Variants in FOXP2 observed in about 807,000 individuals in gnomAD.
FOXP2 encodes the protein forkhead box P2, also known as forkhead box protein P2.
A neutral mutation model predicts 115.8 loss-of-function variants in FOXP2; 12 were observed. That is an observed-to-expected ratio of 0.10 (90% confidence interval 0.07 to 0.17). The LOEUF is 0.17. Ranked by LOEUF, FOXP2 falls within the 10% of genes least tolerant of loss-of-function variation. FOXP2 has a pLI of 1.00. For synonymous variants in FOXP2, 328 were observed against 297.7 expected, an observed-to-expected ratio of 1.10 and a Z score of -1.05; for missense variants, 629 against 843.5, an observed-to-expected ratio of 0.75 and a Z score of 3.15.
intron 3 of FOXP2, among the ~76,000 whole-genome samples, chr7:114,553,109 T>G (rs1347127849): frequency 6.6e-6 from 1 of 152,130 alleles, no homozygotes; most frequent in Non-Finnish European, 1.5e-5. Flanking sequence ...GAAAAACCCT[T>G]GATCCTATTT....
chr7:114,375,058 G>A (rs931739036), intron 2 of FOXP2, among the ~76,000 whole-genome samples: 13 of 152,022 alleles, frequency 8.6e-5, no homozygotes, highest in African/African-American at 3.1e-4. Flanking sequence ...TTATGCTTTA[G>A]TGGACACTGC....
chr7:114,625,716 G>A (rs865860077), intron 3 of FOXP2, among the ~76,000 whole-genome samples: 3 of 151,610 alleles, frequency 2.0e-5, no homozygotes, highest in Non-Finnish European at 3.0e-5. Context: ...GCAAGTGGAC[G>A]GGTCTGCAAT....
Position 114,112,732 on chromosome 7 carries a change from G to A in FOXP2, c.-247+24894G>A, listed in dbSNP as rs140609059. Among the ~76,000 whole-genome samples, 9 of 152,278 alleles carry A rather than the reference G, an allele frequency of 5.9e-5. No homozygotes were observed. In the East Asian group the frequency reaches 9.6e-4, roughly 16 times the overall value. On this transcript the variant is annotated intron_variant, in intron 1 of 19. Transcript: ENST00000635638. ...GTGGAACTTGGAAATATACCTAAAGGAACACCGGTGGGAAACCTCTGGAAC... is the reference window on the plus strand; with the variant it reads ...GTGGAACTTGGAAATATACCTAAAGAAACACCGGTGGGAAACCTCTGGAAC...
chr7:114,585,987 T>G (rs970291673), intron 3 of FOXP2, among the ~76,000 whole-genome samples: 1 of 152,164 alleles, frequency 6.6e-6, no homozygotes, highest in African/African-American at 2.4e-5. Context: ...TTAGCATAAT[T>G]TTCAGCTATG....
chr7:114,651,164 A>C (rs577541678), intron 8 of FOXP2, among the ~76,000 whole-genome samples: 1 of 152,156 alleles, frequency 6.6e-6, no homozygotes, highest in South Asian at 2.1e-4. Context: ...CTATTATATC[A>C]TTCTAAATGA....
chr7:114,491,667 T>G (rs960055082), intron 2 of FOXP2, among the ~76,000 whole-genome samples: 5 of 152,124 alleles, frequency 3.3e-5, no homozygotes, highest in African/African-American at 1.2e-4. Context: ...TTAATCCATC[T>G]TGAATTAATT....
At chr7:114,463,933 T>C (rs1234910948) in intron 2 of FOXP2, among the ~76,000 whole-genome samples, 2 of 152,218 alleles carry the variant, frequency 1.3e-5, no homozygotes, top group African/African-American at 2.4e-5. Flanking sequence ...AGACAGTGTT[T>C]CTAGCTCTAT....
chr7:114,557,970 G>A (rs186421187), intron 3 of FOXP2, among the ~76,000 whole-genome samples: 46 of 151,920 alleles, frequency 3.0e-4, no homozygotes, highest in African/African-American at 8.4e-4. Flanking sequence ...CACCACACCT[G>A]GCTAATTTTT....
intron 2 of FOXP2, among the ~76,000 whole-genome samples, chr7:114,454,320 T>A (rs1220228975): frequency 6.6e-6 from 1 of 152,148 alleles, no homozygotes; most frequent in African/African-American, 2.4e-5. Context: ...CACTGTGAGA[T>A]ACCATCTCAC....
chr7:114,551,408 T>G (rs1800200390), intron 3 of FOXP2, among the ~76,000 whole-genome samples: 1 of 152,144 alleles, frequency 6.6e-6, no homozygotes, highest in South Asian at 2.1e-4. Flanking sequence ...AAAAAAAAAC[T>G]GCTTGACAGT....
At chr7:114,486,278 G>A (rs1796769227) in intron 2 of FOXP2, among the ~76,000 whole-genome samples, 1 of 152,114 alleles carries the variant, frequency 6.6e-6, no homozygotes, top group Non-Finnish European at 1.5e-5. Context: ...AAGAGCACAT[G>A]TGCAGGGGAA....
At chr7:114,417,002 G>T (rs1333126797) in intron 1 of FOXP2, among the ~76,000 whole-genome samples, 2 of 151,902 alleles carry the variant, frequency 1.3e-5, no homozygotes, top group Non-Finnish European at 1.5e-5. Flanking sequence ...CTTTGTAAAA[G>T]GTGGATAGAT....
At chr7:114,631,273 T>A (rs1479056216) in intron 5 of FOXP2, among the ~76,000 whole-genome samples, 1 of 152,234 alleles carries the variant, frequency 6.6e-6, no homozygotes, top group Non-Finnish European at 1.5e-5. Context: ...AAGCTGAACC[T>A]TTATTACATA....
At chr7:114,503,214 AT>A (rs139187816) in intron 2 of FOXP2, among the ~76,000 whole-genome samples, 1 of 151,798 alleles carries the variant, frequency 6.6e-6, no homozygotes, top group Admixed American at 6.6e-5. Flanking sequence ...TTTTTCAATC[AT>A]TTTTTTGGTT....
intron 1 of FOXP2, among the ~76,000 whole-genome samples, chr7:114,092,061 CAA>C (rs1223043295): frequency 6.6e-6 from 1 of 151,934 alleles, no homozygotes; most frequent in Admixed American, 6.6e-5. Context: ...TTTTCGTTAA[CAA>C]GAGTGAATAC....
intron 16 of FOXP2, among the ~76,000 whole-genome samples, chr7:114,686,994 C>T (rs1428716346): frequency 6.6e-6 from 1 of 152,054 alleles, no homozygotes; most frequent in East Asian, 1.9e-4. Context: ...TTTTAAAGTG[C>T]CCTAAGTGCT....
At chr7:114,491,259 A>G (rs1219889037) in intron 2 of FOXP2, among the ~76,000 whole-genome samples, 1 of 152,212 alleles carries the variant, frequency 6.6e-6, no homozygotes, top group Admixed American at 6.5e-5. Context: ...ATGGCCAGTG[A>G]TGATGAGCAT....
At position 114,614,168 on chromosome 7, in the gene FOXP2, T is replaced by G. The variant is rs141467244; in HGVS notation, c.259-14372T>G. ...TACCCAAATACTGTCTATAGATTCA[T>G]TGCCACTTTATACTTCCATAAGCTA... is the stretch of plus-strand genomic sequence containing the variant. On this transcript the variant is annotated intron_variant, in intron 3 of 16. Coordinates refer to ENST00000350908, the MANE Select transcript of FOXP2 (RefSeq NM_014491.4). Among the ~76,000 whole-genome samples, 756 of 152,348 alleles carry G rather than the reference T, an allele frequency of 5.0e-3. 3 individuals carry two copies. The highest frequency in any genetic ancestry group is 0.017 in the African/African-American group (714 of 41,580).
chr7:114,400,191 TTTGTTG>T (rs551732873), intron 2 of FOXP2, among the ~76,000 whole-genome samples: 33 of 152,046 alleles, frequency 2.2e-4, no homozygotes, highest in African/African-American at 6.0e-4. Flanking sequence ...ATTTATGTTT[TTTGTTG>T]TTGTTGTTGT....
Sources: allele counts gnomAD v4.1 joint callset (sites outside exome capture counted in the v4.1 genomes callset), GRCh38; gene constraint gnomAD v4.1.1; transcripts MANE v1.5; gene names NCBI Gene and HGNC (gene_info 2026-07-23, HGNC 2026-07-21).